The following COX11 variants were observed in gnomAD, a reference collection of about 807,000 sequenced individuals.
COX11 encodes the protein cytochrome c oxidase assembly protein COX11, mitochondrial.
COX11 carries 18 observed loss-of-function variants against 29.4 expected under a neutral mutation model. The ratio of observed to expected loss-of-function variants is 0.61; its 90% CI spans 0.42 to 0.91. The LOEUF (loss-of-function observed/expected upper bound fraction) is 0.91, where lower values mean the gene tolerates loss of function less well. Ranked by LOEUF, COX11 falls within the 40% of genes least tolerant of loss-of-function variation. The probability of loss-of-function intolerance (pLI) is 0.00; values close to 1 mark genes in which losing one functional copy is unlikely to be tolerated. For missense variants in COX11, 312 were observed against 346.0 expected (o/e 0.90, Z 0.78); for synonymous variants, 131 against 124.0 (o/e 1.06, Z -0.38).
intron 1 of COX11, among the ~76,000 whole-genome samples, chr17:54,966,325 T>C (rs1255345120): frequency 6.6e-6 from 1 of 152,240 alleles, no homozygotes; most frequent in Admixed American, 6.5e-5. Context: ...CTATTCTAGT[T>C]GTGCTACTAG....
Position 54,960,636 on chromosome 17 carries a change from T to C in COX11, c.*2097A>G. On this transcript the variant is annotated 3_prime_UTR_variant, in exon 4 of 4. Coordinates refer to ENST00000299335, the MANE Select transcript of COX11 (RefSeq NM_004375.5). The stretch of plus-strand genomic sequence containing the variant: ...AAATGATGGTGACTGAGGTAAAGAC[T>C]TCAACTTATACAACTTAATTCCATA... 6.3e-7 allele frequency: 1 copy of C among 1,586,542 alleles called. No individual in the cohort carries two copies. Among genetic ancestry groups the C allele is most frequent in the Non-Finnish European group, 8.7e-7 (1 of 1,155,788 alleles).
At chr17:54,968,655 G>C, upstream of COX11, 6 of 1,599,990 alleles carry the variant, frequency 3.8e-6, no homozygotes, top group South Asian at 1.1e-5. Context: ...ATAACCCTCT[G>C]AACTAACACC....
chr17:54,968,132 G>C, intron 1 of COX11, 149 bp downstream of exon 1: 6 of 1,263,872 alleles, frequency 4.7e-6, no homozygotes, highest in Non-Finnish European at 5.4e-6. Flanking sequence ...TGGGTGTTAA[G>C]TGACTGTTTT....
intron 1 of COX11, among the ~76,000 whole-genome samples, chr17:54,967,722 T>C (rs532431296): frequency 9.2e-5 from 14 of 151,970 alleles, no homozygotes; most frequent in African/African-American, 2.4e-4. Context: ...CGTTGCAATG[T>C]ACTTAACAGT....
chr17:54,954,137 TTATCAGCACACATATTGTCTGCC>T (rs1400783583), exon 1 of COX11: 2 of 152,190 alleles, frequency 1.3e-5, no homozygotes, highest in African/African-American at 4.8e-5. Context: ...GGTCACCAGG[TTATCAGCACACATATTGTCTGCC>T]TCCTCCTTAG....
chr17:54,967,597 C>T (rs1323239253), intron 1 of COX11, among the ~76,000 whole-genome samples: 2 of 135,126 alleles, frequency 1.5e-5, no homozygotes, highest in South Asian at 3.1e-4. Context: ...CCCCGCCCCA[C>T]CCCCCCACCC....
intron 1 of COX11, 113 bp downstream of exon 1, chr17:54,968,168 A>G: frequency 6.7e-7 from 1 of 1,483,052 alleles, no homozygotes; most frequent in Admixed American, 2.3e-5. Context: ...TAGGTAGATA[A>G]TATCGGAAAC....
chr17:54,965,752 A>G (rs1330297194), intron 1 of COX11, among the ~76,000 whole-genome samples: 1 of 150,312 alleles, frequency 6.7e-6, no homozygotes, highest in Admixed American at 6.6e-5. Flanking sequence ...AATTGCTTGA[A>G]CCCGGGAGGC....
Position 54,968,293 on chromosome 17 carries a change from C to G in COX11, c.354G>C (p.Arg118=). ...GASYAAVPLY[R]LYCQTTGLGG... ...CGCCGGCCCCTACCTGGCAATAGAG[C>G]CGATAAAGGGGTACGGCAGCGTAGG... The change falls in exon 1 of 4, where the codon CGG becomes CGC. Residue 118 remains arginine, a synonymous_variant. Coordinates refer to ENST00000299335, the MANE Select transcript of COX11 (RefSeq NM_004375.5). The G allele has an allele frequency of 6.2e-7, 1 of 1,612,208 alleles. No homozygotes were observed. Among genetic ancestry groups the G allele is most frequent in the Non-Finnish European group, 8.5e-7 (1 of 1,179,618 alleles).
chr17:54,963,221 A>G, intron 3 of COX11, 85 bp downstream of exon 3: 1 of 1,446,592 alleles, frequency 6.9e-7, no homozygotes, highest in Non-Finnish European at 9.4e-7. Context: ...TTCAGAAATC[A>G]CAAGATCTAC....
rs2077313003 is a variant in COX11, at chr17:54,968,375, T to G, written c.272A>C (p.Gln91Pro). 1.2e-6 allele frequency: 2 copies of G among 1,613,064 alleles called. No individual in the cohort carries two copies. Among genetic ancestry groups the G allele is most frequent in the Admixed American group, 1.7e-5 (1 of 60,018 alleles). Residue 91 changes from glutamine (Q) to proline (P), a missense_variant, in exon 1 of 4, where the codon CAG (glutamine) becomes CCG (proline). Physicochemically the swap from Gln to Pro is moderately conservative, Grantham distance 76. Transcript: ENST00000299335. ...CACGTAAGTGAGGGTCGTCTTGTTC[T>G]GCCGCCGCCGCTCCTCCTCCTGCGC... ...TRAQEEERRRQNKTTLTYVAA... is the reference protein window; with the variant it reads ...TRAQEEERRRPNKTTLTYVAA...
chr17:54,957,270 G>A (rs1470930237), downstream of COX11: 2 of 152,184 alleles, frequency 1.3e-5, no homozygotes, highest in African/African-American at 4.8e-5. Flanking sequence ...CAGATGTTAA[G>A]GGACTTAGGA....
rs182297142 is a variant in COX11 at position 54,964,246 on chromosome 17, A to T, written c.522+451T>A. Among the ~76,000 whole-genome samples the T allele has an allele frequency of 2.9e-3, 435 of 152,256 alleles. 5 individuals are homozygous for T. The highest frequency in any genetic ancestry group is 1.0e-2 in the African/African-American group (415 of 41,568). ...CATAACTATTTACTACTTATTGATT[A>T]TTTCAAAGGCCCTCAATTTGTTTTC... On this transcript the variant is annotated intron_variant, in intron 2 of 3. Transcript: ENST00000299335.
At chr17:54,968,764 C>T (rs1242566860), upstream of COX11, 24 of 1,233,884 alleles carry the variant, frequency 1.9e-5, no homozygotes, top group East Asian at 4.5e-4. Flanking sequence ...CCAGGCTCCT[C>T]AGGTGGCAGC....
chr17:54,955,991 G>A (rs994089424), downstream of COX11, among the ~76,000 whole-genome samples: 1 of 152,162 alleles, frequency 6.6e-6, no homozygotes, highest in Non-Finnish European at 1.5e-5. Flanking sequence ...GCCCACGCAT[G>A]CTTCCACATC....
At position 54,968,353 on chromosome 17, in the gene COX11, G is replaced by GT. The variant is rs755467194; in HGVS notation, c.293dup (p.Tyr98Ter). 17 of 1,612,938 alleles carry GT rather than the reference G, an allele frequency of 1.1e-5. No homozygotes were observed. Among genetic ancestry groups the GT allele is most frequent in the Admixed American group, 1.7e-5 (1 of 60,026 alleles). The change falls in exon 1 of 4, where the codon TAC becomes TAAC. Residue 98 changes from tyrosine (Y) to a stop codon, truncating the protein, a stop_gained and frameshift_variant. Transcript: ENST00000299335. LOFTEE classifies it high-confidence loss of function. Reference sequence around the variant, plus strand: ...GCATGCCCACGGCGACAGCGGCCACGTAAGTGAGGGTCGTCTTGTTCTGCC... The same window carrying GT: ...GCATGCCCACGGCGACAGCGGCCACGTTAAGTGAGGGTCGTCTTGTTCTGCC... ...RRRQNKTTLT[Y>*]VAAVAVGMLG...
chr17:54,954,629 G>A (rs1166273571), exon 1 of COX11: 3 of 152,292 alleles, frequency 2.0e-5, no homozygotes. Flanking sequence ...CAAGGTTCCA[G>A]TCCCCGAGTA....
At chr17:54,968,684 G>T (rs532122781), upstream of COX11, 26 of 1,584,562 alleles carry the variant, frequency 1.6e-5, no homozygotes, top group African/African-American at 5.4e-5. Context: ...TCTCAGGGAC[G>T]AGAGGTCAAA....
At chr17:54,958,251 CAAGT>C (rs1248315516), downstream of COX11, 1 of 152,118 alleles carries the variant, frequency 6.6e-6, no homozygotes, top group Non-Finnish European at 1.5e-5. Context: ...CAGGGGCAGA[CAAGT>C]AAGATAAGAA....
Sources: allele counts gnomAD v4.1 joint callset (sites outside exome capture counted in the v4.1 genomes callset), GRCh38; gene constraint gnomAD v4.1.1; transcripts MANE v1.5; gene names NCBI Gene and HGNC (gene_info 2026-07-23, HGNC 2026-07-21).